The following AOAH variants were observed in gnomAD, a reference collection of about 807,000 sequenced individuals.
AOAH encodes acyloxyacyl hydrolase.
A neutral mutation model predicts 92.2 loss-of-function variants in AOAH; 64 were observed. The ratio of observed to expected loss-of-function variants is 0.69; its 90% CI spans 0.57 to 0.86. The LOEUF is 0.86. Ranked by LOEUF, AOAH falls within the 40% of genes least tolerant of loss-of-function variation. AOAH has a pLI of 0.00. For missense variants in AOAH, 656 were observed against 694.6 expected, an observed-to-expected ratio of 0.94 and a Z score of 0.62; for synonymous variants, 263 against 254.5, an observed-to-expected ratio of 1.03 and a Z score of -0.32.
intron 20 of AOAH, among the ~76,000 whole-genome samples, chr7:36,517,228 C>CTTTCTT (rs200489121): frequency 7.3e-5 from 4 of 54,816 alleles, no homozygotes; most frequent in Non-Finnish European, 8.0e-5. Flanking sequence ...TTCTTTCTGT[C>CTTTCTT]TCTCTCTCTC....
chr7:36,693,656 T>C lies in AOAH; in HGVS notation c.128-6862A>G, dbSNP rs576770452. Among the ~76,000 whole-genome samples, 12 of 152,328 alleles carry C rather than the reference T, an allele frequency of 7.9e-5. No homozygotes were observed. In the South Asian group the frequency reaches 2.5e-3, roughly 32 times the overall value. On this transcript the variant is annotated intron_variant, in intron 1 of 20. Transcript: ENST00000617537. Reference sequence around the variant, plus strand: ...CAAGTTTGGAGTCTGGATTGAGCTTTCTTTGTTAGTAAAATTAGCTTATCT... The same window carrying C: ...CAAGTTTGGAGTCTGGATTGAGCTTCCTTTGTTAGTAAAATTAGCTTATCT...
At chr7:36,536,886 G>A (rs1186351030) in intron 16 of AOAH, among the ~76,000 whole-genome samples, 1 of 129,564 alleles carries the variant, frequency 7.7e-6, no homozygotes, top group Non-Finnish European at 1.6e-5. Context: ...GGAGGCAGAG[G>A]TTGCAGTGAG....
At chr7:36,682,188 C>A (rs1796691477) in intron 2 of AOAH, among the ~76,000 whole-genome samples, 1 of 152,248 alleles carries the variant, frequency 6.6e-6, no homozygotes, top group East Asian at 1.9e-4. Flanking sequence ...CCCACTGGAG[C>A]TCCCTTCCAG....
At chr7:36,658,235 A>G (rs1193904980) in intron 4 of AOAH, among the ~76,000 whole-genome samples, 4 of 152,200 alleles carry the variant, frequency 2.6e-5, no homozygotes, top group Non-Finnish European at 5.9e-5. Context: ...GATGTATTTA[A>G]TACTGTCCAT....
chr7:36,714,461 T>C (rs1453815834), intron 1 of AOAH, among the ~76,000 whole-genome samples: 27 of 152,192 alleles, frequency 1.8e-4, no homozygotes. Context: ...GAGGGAATCC[T>C]CCCTAACTCA....
chr7:36,597,805 A>G (rs1432679759), intron 11 of AOAH: 1 of 152,236 alleles, frequency 6.6e-6, no homozygotes, highest in Non-Finnish European at 1.5e-5. Flanking sequence ...GGAGGGGTAA[A>G]TAATTCTGAA....
intron 1 of AOAH, among the ~76,000 whole-genome samples, chr7:36,692,443 C>T (rs1797461087): frequency 8.3e-6 from 1 of 121,132 alleles, no homozygotes; most frequent in Non-Finnish European, 1.8e-5. Context: ...AACCTAACTA[C>T]TACTTGAAAC....
At chr7:36,535,018 C>CTGTGTG (rs1157335460) in intron 16 of AOAH, among the ~76,000 whole-genome samples, 2 of 20,812 alleles carry the variant, frequency 9.6e-5, no homozygotes, top group Admixed American at 6.7e-4. Context: ...CTGTGTGTGT[C>CTGTGTG]TGTGTCTGTG....
chr7:36,700,197 A>T (rs1172937315), intron 1 of AOAH, among the ~76,000 whole-genome samples: 4 of 152,014 alleles, frequency 2.6e-5, no homozygotes, highest in South Asian at 2.1e-4. Flanking sequence ...ATTTGTATAC[A>T]TATAAGGGGT....
chr7:36,680,031 C>G (rs1796544770), intron 2 of AOAH, among the ~76,000 whole-genome samples: 1 of 152,142 alleles, frequency 6.6e-6, no homozygotes, highest in South Asian at 2.1e-4. Flanking sequence ...GCATGAAGTG[C>G]CTTCTTTCTT....
At chr7:36,722,868 A>G (rs999598040) in intron 1 of AOAH, among the ~76,000 whole-genome samples, 2 of 130,498 alleles carry the variant, frequency 1.5e-5, no homozygotes, top group Non-Finnish European at 3.1e-5. Flanking sequence ...AGGGAGGCAG[A>G]GGTTGCAGTG....
At chr7:36,701,459 C>A (rs908123241) in intron 1 of AOAH, among the ~76,000 whole-genome samples, 2 of 150,236 alleles carry the variant, frequency 1.3e-5, no homozygotes, top group Non-Finnish European at 3.0e-5. Context: ...AGTTCATATA[C>A]ATAATTAATA....
intron 19 of AOAH, among the ~76,000 whole-genome samples, chr7:36,529,893 T>G (rs1339029441): frequency 1.3e-5 from 2 of 152,220 alleles, no homozygotes; most frequent in Non-Finnish European, 2.9e-5. Flanking sequence ...TAATATTCCT[T>G]CCAGAAAGTT....
chr7:36,662,124 T>C (rs2116553435), intron 3 of AOAH, among the ~76,000 whole-genome samples: 1 of 152,270 alleles, frequency 6.6e-6, no homozygotes, highest in Non-Finnish European at 1.5e-5. Flanking sequence ...CCTGTGTTAA[T>C]GAAAATGTAT....
At chr7:36,533,678 C>T (rs199705268) in intron 16 of AOAH, among the ~76,000 whole-genome samples, 6 of 149,296 alleles carry the variant, frequency 4.0e-5, no homozygotes, top group South Asian at 4.2e-4. Context: ...ATTTTGTGTG[C>T]GTGTGTGTGT....
intron 11 of AOAH, chr7:36,597,970 C>A (rs558320723): frequency 2.2e-5 from 3 of 134,338 alleles, no homozygotes; most frequent in Non-Finnish European, 3.2e-5. Context: ...CCCCGGCAAC[C>A]CTCATTCTCG....
intron 13 of AOAH, among the ~76,000 whole-genome samples, chr7:36,568,867 T>G (rs532941913): frequency 3.9e-5 from 6 of 152,266 alleles, no homozygotes; most frequent in African/African-American, 1.4e-4. Context: ...TGCAGATGGT[T>G]TAACCAAAGT....
chr7:36,720,186 G>C (rs1021761621), intron 1 of AOAH, among the ~76,000 whole-genome samples: 2 of 151,256 alleles, frequency 1.3e-5, no homozygotes, highest in Admixed American at 1.3e-4. Context: ...GTCTCGCTCT[G>C]TCGCCCAGGC....
chr7:36,536,801 T>C (rs549619175), intron 16 of AOAH, among the ~76,000 whole-genome samples: 1 of 151,370 alleles, frequency 6.6e-6, no homozygotes, highest in Middle Eastern at 3.4e-3. Flanking sequence ...ATACAAAAAT[T>C]AGCCCAGTGT....
Sources: allele counts gnomAD v4.1 joint callset (sites outside exome capture counted in the v4.1 genomes callset), GRCh38; gene constraint gnomAD v4.1.1; transcripts MANE v1.5; gene names NCBI Gene and HGNC (gene_info 2026-07-23, HGNC 2026-07-21).